Variants in EDAR observed in about 807,000 individuals in gnomAD.
EDAR encodes ectodysplasin A receptor.
A neutral mutation model predicts 51.3 loss-of-function variants in EDAR; 38 were observed. That is an observed-to-expected ratio of 0.74 (90% CI 0.57 to 0.97). The LOEUF is 0.97. EDAR is among the 50% of genes least tolerant of loss of function. The pLI is 0.00. For synonymous variants in EDAR, 227 were observed against 242.1 expected, an observed-to-expected ratio of 0.94 and a Z score of 0.58; for missense variants, 528 against 595.0, an observed-to-expected ratio of 0.89 and a Z score of 1.17.
At chr2:108,957,867 G>A (rs538468013) in intron 1 of EDAR, among the ~76,000 whole-genome samples, 4 of 152,226 alleles carry the variant, frequency 2.6e-5, no homozygotes, top group Non-Finnish European at 2.9e-5. Flanking sequence ...TTTTTGTAAC[G>A]TTTTTGATCT....
chr2:108,944,606 C>T (rs369124385), intron 1 of EDAR, among the ~76,000 whole-genome samples: 1 of 152,062 alleles, frequency 6.6e-6, no homozygotes, highest in African/African-American at 2.4e-5. Flanking sequence ...CCTCAGCAGA[C>T]CTTACGAAGC....
Position 108,906,240 on chromosome 2 carries a change from G to T in EDAR, c.1024+68C>A, listed in dbSNP as rs78790506. On this transcript the variant is annotated intron_variant, in intron 11 of 11. Coordinates refer to ENST00000258443, the MANE Select transcript of EDAR (RefSeq NM_022336.4). ...CAGTTCCCCTCACAGGAGCCTCAGG[G>T]CTCCGGGCCCAGCCCTTCATGTCGG... The T allele has an allele frequency of 3.7e-3, 5,755 of 1,565,608 alleles. 172 individuals are homozygous for T. In the African/African-American group the frequency reaches 0.069, roughly 19 times the overall value.
At chr2:108,965,252 C>G (rs571622560) in intron 1 of EDAR, among the ~76,000 whole-genome samples, 1 of 151,918 alleles carries the variant, frequency 6.6e-6, no homozygotes, top group Admixed American at 6.6e-5. Flanking sequence ...CCGAGGCAGG[C>G]GGATCATGAG....
intron 5 of EDAR, among the ~76,000 whole-genome samples, chr2:108,921,364 CT>C (rs1261199902): frequency 6.6e-6 from 1 of 152,346 alleles, no homozygotes; most frequent in East Asian, 1.9e-4. Context: ...CTTGGCAAGT[CT>C]GACGGTGGTT....
At chr2:108,975,273 A>G (rs1174217562) in intron 1 of EDAR, among the ~76,000 whole-genome samples, 1 of 152,198 alleles carries the variant, frequency 6.6e-6, no homozygotes, top group Non-Finnish European at 1.5e-5. Flanking sequence ...GGTGCAGAGT[A>G]AATCCCCTGC....
intron 4 of EDAR, 73 bp from the exon 5 acceptor site, chr2:108,923,526 G>T: frequency 7.0e-7 from 1 of 1,427,208 alleles, no homozygotes; most frequent in Non-Finnish European, 9.9e-7. Flanking sequence ...GGTGCAGAGA[G>T]CACGGTGGCC....
At chr2:108,917,219 G>A (rs976700773) in intron 5 of EDAR, among the ~76,000 whole-genome samples, 3 of 152,156 alleles carry the variant, frequency 2.0e-5, no homozygotes, top group African/African-American at 2.4e-5. Context: ...AGCAACGCGC[G>A]GCTCGTGTGG....
chr2:108,923,678 T>C (rs1034559980), intron 4 of EDAR, among the ~76,000 whole-genome samples: 9 of 152,250 alleles, frequency 5.9e-5, no homozygotes, highest in African/African-American at 2.2e-4. Flanking sequence ...CGTGGGCCTT[T>C]CTTTTGATCT....
chr2:108,972,788 G>C (rs115863113), intron 1 of EDAR, among the ~76,000 whole-genome samples: 1 of 152,128 alleles, frequency 6.6e-6, no homozygotes, highest in South Asian at 2.1e-4. Flanking sequence ...GGTGAGGACC[G>C]GGGGGCCTCC....
chr2:108,932,549 A>T (rs1020607956), intron 1 of EDAR, among the ~76,000 whole-genome samples: 1 of 151,128 alleles, frequency 6.6e-6, no homozygotes. Flanking sequence ...AAAAAAAAAA[A>T]AAAGAAAGAA....
intron 11 of EDAR, 147 bp from the exon 12 acceptor site, chr2:108,897,376 G>A (rs1696620454): frequency 1.3e-6 from 1 of 794,016 alleles, no homozygotes. Context: ...TAAAACAAAT[G>A]CATAACTTAA....
At chr2:108,946,201 C>A (rs1035132778) in intron 1 of EDAR, among the ~76,000 whole-genome samples, 1 of 152,178 alleles carries the variant, frequency 6.6e-6, no homozygotes, top group African/African-American at 2.4e-5. Flanking sequence ...ACAAAATGCA[C>A]CAGGGCATGA....
Position 108,988,984 on chromosome 2 carries a change from C to T in EDAR, c.-43G>A, listed in dbSNP as rs1698545263. On this transcript the variant is annotated 5_prime_UTR_variant, in exon 1 of 12. The change abolishes the stop of an existing upstream ORF in the 5' untranslated region. Coordinates refer to ENST00000258443, the MANE Select transcript of EDAR (RefSeq NM_022336.4). ...CCTGGCTTCTGTTGGAGGTCAGCTTCAGTCCCAGCAGAAGATGGGTCTATG... is the reference window on the plus strand; with the variant it reads ...CCTGGCTTCTGTTGGAGGTCAGCTTTAGTCCCAGCAGAAGATGGGTCTATG... The T allele has an allele frequency of 6.6e-6, 1 of 152,258 alleles. No individual in the cohort carries two copies. The highest frequency in any genetic ancestry group is 2.1e-4 in the South Asian group (1 of 4,836). 9.4% of individuals were successfully genotyped at this position (152,258 alleles called of 1,614,324 possible).
chr2:108,896,660 T>G lies in EDAR; in HGVS notation c.*247A>C, dbSNP rs1696598717. 2 of 530,460 alleles carry G rather than the reference T, an allele frequency of 3.8e-6. No homozygotes were observed. The highest frequency in any genetic ancestry group is 6.8e-6 in the Non-Finnish European group (2 of 295,970). 32.9% of individuals were successfully genotyped at this position (530,460 alleles called of 1,614,324 possible). The stretch of plus-strand genomic sequence containing the variant: ...TGGGCTGGTGGGCTGGCTGTATGAG[T>G]GAGTAGATATTTACTCTGCCTGGTG... On this transcript the variant is annotated 3_prime_UTR_variant, in exon 12 of 12. Coordinates refer to ENST00000258443, the MANE Select transcript of EDAR (RefSeq NM_022336.4).
chr2:108,967,131 T>C (rs562336427), intron 1 of EDAR, among the ~76,000 whole-genome samples: 1 of 152,272 alleles, frequency 6.6e-6, no homozygotes, highest in Non-Finnish European at 1.5e-5. Context: ...GACGGAGTTT[T>C]GTCATGTTGG....
chr2:108,901,994 C>T (rs963287973), intron 11 of EDAR, among the ~76,000 whole-genome samples: 1 of 151,864 alleles, frequency 6.6e-6, no homozygotes, highest in Admixed American at 6.6e-5. Flanking sequence ...AATCCCAGCA[C>T]TTTGGGAGGC....
chr2:108,919,691 C>G (rs922058004), intron 5 of EDAR, among the ~76,000 whole-genome samples: 1 of 152,156 alleles, frequency 6.6e-6, no homozygotes, highest in Non-Finnish European at 1.5e-5. Context: ...TTTCTGCTGC[C>G]CAGTGTCCCA....
At chr2:108,913,484 C>CTAAA (rs1345895547) in intron 5 of EDAR, among the ~76,000 whole-genome samples, 5 of 152,060 alleles carry the variant, frequency 3.3e-5, no homozygotes, top group African/African-American at 1.2e-4. Flanking sequence ...ATACTTTTTC[C>CTAAA]AGTCATAAAA....
intron 1 of EDAR, 125 bp from the exon 2 acceptor site, chr2:108,931,157 T>C: frequency 1.3e-6 from 1 of 790,564 alleles, no homozygotes; most frequent in Non-Finnish European, 2.2e-6. Context: ...CTATACATCC[T>C]AAAAGAAAAG....
Sources: allele counts gnomAD v4.1 joint callset (sites outside exome capture counted in the v4.1 genomes callset), GRCh38; gene constraint gnomAD v4.1.1; transcripts MANE v1.5; gene names NCBI Gene and HGNC (gene_info 2026-07-23, HGNC 2026-07-21).